SHC4: variants seen among roughly 807,000 people sequenced by gnomAD.
The protein encoded by SHC4 is SHC-transforming protein 4.
In SHC4, 41 loss-of-function variants were observed where a neutral mutation model predicts 69.4. The ratio of observed to expected loss-of-function variants is 0.59; its 90% CI spans 0.46 to 0.77. The LOEUF is 0.77. SHC4 is among the 30% of genes least tolerant of loss of function. SHC4 has a pLI of 0.00. For synonymous variants in SHC4, 318 were observed against 299.3 expected (o/e 1.06, Z -0.64); for missense variants, 777 against 783.8 (o/e 0.99, Z 0.10).
At chr15:48,937,583 C>CATAGATAGATAGATAGATAG (rs5812469) in intron 1 of SHC4, among the ~76,000 whole-genome samples, 15 of 147,930 alleles carry the variant, frequency 1.0e-4, no homozygotes, top group Admixed American at 2.7e-4. Flanking sequence ...CACACAGACA[C>CATAGATAGATAGATAGATAG]ATAGATAGAT....
intron 2 of SHC4, among the ~76,000 whole-genome samples, chr15:48,913,803 C>T (rs923852236): frequency 3.9e-5 from 6 of 152,186 alleles, no homozygotes; most frequent in Admixed American, 2.6e-4. Context: ...CCTTGGATTT[C>T]GTTCAGCTCT....
rs765327414 is a variant in SHC4, at chr15:48,834,900, C to A, written c.1606G>T (p.Ala536Ser). 1 of 1,614,136 alleles carries A rather than the reference C, an allele frequency of 6.2e-7. No homozygotes were observed. The highest frequency in any genetic ancestry group is 1.1e-5 in the South Asian group (1 of 91,080). ...CYHGKLSRKA[A>S]ESLLVKDGDF... ...CCATCCTTTACCAAGAGGCTCTCTG[C>A]CGCCTTCCTGCTCAGCTTGCCATGA... The change falls in exon 11 of 12, where the codon GCA becomes TCA. Residue 536 changes from alanine to serine, a missense_variant. Transcript: ENST00000332408.
intron 2 of SHC4, among the ~76,000 whole-genome samples, chr15:48,912,271 A>T (rs570498561): frequency 6.6e-6 from 1 of 152,082 alleles, no homozygotes; most frequent in Non-Finnish European, 1.5e-5. Context: ...TGGAGGCTTC[A>T]CTCATATTTT....
chr15:48,867,701 A>C, intron 6 of SHC4, 117 bp downstream of exon 6: 2 of 790,404 alleles, frequency 2.5e-6, no homozygotes, highest in East Asian at 2.7e-5. Flanking sequence ...TATTTCTAGA[A>C]TCCAGTATAG....
At chr15:48,922,075 A>C (rs1313267694) in intron 2 of SHC4, among the ~76,000 whole-genome samples, 1 of 152,236 alleles carries the variant, frequency 6.6e-6, no homozygotes, top group Admixed American at 6.5e-5. Context: ...AAATAAAATA[A>C]AATTTAAAAA....
At chr15:48,878,163 G>A (rs773646153) in intron 4 of SHC4, 2 of 1,530,264 alleles carry the variant, frequency 1.3e-6, no homozygotes, top group Non-Finnish European at 1.8e-6. Context: ...CCTAGAGGTT[G>A]AGCGGTTTGC....
intron 2 of SHC4, among the ~76,000 whole-genome samples, chr15:48,901,935 C>T (rs1900325803): frequency 6.6e-6 from 1 of 152,176 alleles, no homozygotes; most frequent in Admixed American, 6.5e-5. Context: ...GGTGCAGTGG[C>T]TCATGCCTGT....
chr15:48,945,322 A>G (rs1202265848), intron 1 of SHC4, among the ~76,000 whole-genome samples: 1 of 141,676 alleles, frequency 7.1e-6, no homozygotes, highest in Non-Finnish European at 1.5e-5. Flanking sequence ...TTTCCATCAG[A>G]AAAAAAAAAA....
chr15:48,835,422 G>A (rs1179575234), intron 10 of SHC4, among the ~76,000 whole-genome samples: 8 of 152,292 alleles, frequency 5.3e-5, no homozygotes, highest in Admixed American at 5.2e-4. Flanking sequence ...CAAACACTTT[G>A]AAAATAGCTA....
At chr15:48,837,731 A>G (rs779770894) in intron 10 of SHC4, among the ~76,000 whole-genome samples, 2 of 152,212 alleles carry the variant, frequency 1.3e-5, no homozygotes, top group African/African-American at 2.4e-5. Flanking sequence ...TGGAGTTCCT[A>G]TTGGCACTTA....
intron 10 of SHC4, among the ~76,000 whole-genome samples, chr15:48,840,406 G>A (rs79910792): frequency 2.6e-4 from 39 of 152,246 alleles, no homozygotes; most frequent in Non-Finnish European, 4.7e-4. Context: ...ATGAACTGAG[G>A]AGCCCTAAGA....
At chr15:48,904,967 A>T (rs1900383292) in intron 2 of SHC4, among the ~76,000 whole-genome samples, 1 of 150,890 alleles carries the variant, frequency 6.6e-6, no homozygotes, top group South Asian at 2.1e-4. Context: ...ACACACACAC[A>T]CACACGGATG....
chr15:48,856,864 A>G (rs984813729), intron 7 of SHC4, among the ~76,000 whole-genome samples: 3 of 152,026 alleles, frequency 2.0e-5, no homozygotes, highest in African/African-American at 7.2e-5. Context: ...GGTTCATTAC[A>G]TGTCAATAAA....
chr15:48,952,527 C>T lies in SHC4; in HGVS notation c.585+9904G>A, dbSNP rs115869240. Among the ~76,000 whole-genome samples the T allele has an allele frequency of 9.8e-4, 149 of 152,182 alleles. 1 individual carries two copies. The highest frequency in any genetic ancestry group is 3.4e-3 in the African/African-American group (143 of 41,512). ...CAGAATGGGAGAAAAGTTTTGCAAA[C>T]TATGCACCCAACAAAGGTCTAGTAC... On this transcript the variant is annotated intron_variant, in intron 1 of 11. Transcript: ENST00000332408.
chr15:48,918,621 C>T (rs1428613664), intron 2 of SHC4, among the ~76,000 whole-genome samples: 2 of 151,926 alleles, frequency 1.3e-5, no homozygotes, highest in South Asian at 2.1e-4. Context: ...GCTCATAGTC[C>T]TATTTAGTTC....
At position 48,962,635 on chromosome 15, in the gene SHC4, G is replaced by A. The variant is rs780365646; in HGVS notation, c.381C>T (p.Ser127=). 6.2e-7 allele frequency: 1 copy of A among 1,614,188 alleles called. No individual in the cohort carries two copies. The highest frequency in any genetic ancestry group is 8.5e-7 in the Non-Finnish European group (1 of 1,180,032). ...LKLQESRDPG[S]SGPSSPETSL... ...TGGTTTCTGGGGAAGAGGGGCCGCT[G>A]GAACCTGGGTCCCGGCTTTCCTGGA... Residue 127 remains serine (S), a synonymous_variant, in exon 1 of 12, where the codon TCC becomes TCT. Coordinates refer to ENST00000332408, the MANE Select transcript of SHC4 (RefSeq NM_203349.4).
At chr15:48,865,407 T>A (rs76419342) in intron 6 of SHC4, among the ~76,000 whole-genome samples, 2,126 of 152,264 alleles carry the variant, frequency 0.014, 45 homozygotes, top group East Asian at 0.067. Flanking sequence ...ACATATTAAC[T>A]TTTAAAGCCA....
intron 11 of SHC4, among the ~76,000 whole-genome samples, chr15:48,828,111 GTGTGTATATA>G (rs1409187953): frequency 1.9e-5 from 1 of 52,218 alleles, no homozygotes; most frequent in Non-Finnish European, 5.4e-5. Context: ...GTGTGTGTGT[GTGTGTATATA>G]TATATATATA....
chr15:48,851,495 T>C (rs143371920), intron 8 of SHC4, among the ~76,000 whole-genome samples: 3,101 of 152,238 alleles, frequency 0.02, 71 homozygotes, highest in East Asian at 0.082. Context: ...ACCAGTGTCC[T>C]GTGTCCTGAG....
Sources: allele counts gnomAD v4.1 joint callset (sites outside exome capture counted in the v4.1 genomes callset), GRCh38; gene constraint gnomAD v4.1.1; transcripts MANE v1.5; gene names NCBI Gene and HGNC (gene_info 2026-07-23, HGNC 2026-07-21).